Variants in PRKN observed in about 807,000 individuals in gnomAD.
PRKN encodes parkin RBR E3 ubiquitin protein ligase.
Under a neutral mutation model 59.5 loss-of-function variants are expected in PRKN, and 56 were observed. The ratio of observed to expected loss-of-function variants is 0.94; its 90% CI spans 0.76 to 1.18. The LOEUF (loss-of-function observed/expected upper bound fraction) is 1.18, where lower values mean the gene tolerates loss of function less well. Ranked by LOEUF, PRKN falls within the 50% of genes most tolerant of loss-of-function variation. PRKN has a pLI of 0.00. For missense variants in PRKN, 657 were observed against 596.4 expected, an observed-to-expected ratio of 1.10 and a Z score of -1.06; for synonymous variants, 250 against 222.1, an observed-to-expected ratio of 1.13 and a Z score of -1.12.
rs58645196 is a variant in PRKN at position 162,021,129 on chromosome 6, T to A, written c.618+32962A>T. 1.2e-3 allele frequency among the ~76,000 whole-genome samples: 5 copies of A among 4,154 alleles called. No individual in the cohort carries two copies. The African/African-American group carries it at 0.02, about 17-fold the overall frequency. The allele number at this position is 4,154 out of a possible 152,430, so 2.7% of individuals were successfully genotyped here. ...AAAAAAAAACAAAAACATATATATA[T>A]ATATATATATATATATATATATATA... is the stretch of plus-strand genomic sequence containing the variant. On this transcript the variant is annotated intron_variant, in intron 5 of 11. Transcript: ENST00000366898.
chr6:161,589,322 G>A (rs74385424), intron 7 of PRKN, among the ~76,000 whole-genome samples: 2 of 152,048 alleles, frequency 1.3e-5, no homozygotes, highest in African/African-American at 2.4e-5. Context: ...CCTTTCTCCC[G>A]TAAAGCCCTC....
intron 5 of PRKN, among the ~76,000 whole-genome samples, chr6:162,026,484 C>A (rs1033537309): frequency 3.3e-5 from 5 of 152,186 alleles, no homozygotes; most frequent in African/African-American, 9.7e-5. Flanking sequence ...GTAAGCTCTT[C>A]ATGCATTAAG....
rs144227525 is a variant in PRKN, at chr6:162,107,696, C to G, written c.535-53522G>C. On this transcript the variant is annotated intron_variant, in intron 4 of 11. Transcript: ENST00000366898. ...CCTCAACAACACTGTTCCTTTTTCT[C>G]TTTTCCTGTTGCTGTGAACTAGGCA... is the stretch of plus-strand genomic sequence containing the variant. 4.2e-3 allele frequency among the ~76,000 whole-genome samples: 645 copies of G among 152,244 alleles called. 6 individuals are homozygous for G. The highest frequency in any genetic ancestry group is 0.015 in the African/African-American group (616 of 41,556).
chr6:161,834,555 T>G (rs945209006), intron 6 of PRKN, among the ~76,000 whole-genome samples: 2 of 152,210 alleles, frequency 1.3e-5, no homozygotes, highest in Non-Finnish European at 2.9e-5. Flanking sequence ...GTAAGATACT[T>G]TATAATTATT....
intron 5 of PRKN, among the ~76,000 whole-genome samples, chr6:162,049,861 G>T (rs968718373): frequency 6.6e-6 from 1 of 152,110 alleles, no homozygotes; most frequent in African/African-American, 2.4e-5. Flanking sequence ...CTCACTGGTG[G>T]TACGAATCGG....
chr6:161,370,591 C>CAA (rs560655971), intron 10 of PRKN, among the ~76,000 whole-genome samples: 4,982 of 57,678 alleles, frequency 0.086, 283 homozygotes, highest in South Asian at 0.2. Flanking sequence ...GACTCTGTGT[C>CAA]AAAAAAAAAA....
In PRKN at chr6:161,545,126, T is replaced by A. The variant is rs1779750061; in HGVS notation, c.1083+3728A>T. 1 of 1,272,558 alleles carries A rather than the reference T, an allele frequency of 7.9e-7. No homozygotes were observed. 78.8% of individuals were successfully genotyped at this position (1,272,558 alleles called of 1,614,324 possible). A position where few individuals can be genotyped will look rare whatever the true frequency, so the allele number is the denominator to read the frequency against. ...AATGACAGAGAATTTGGTTTTCAAC[T>A]TTTTTATACGCGATTTTTTTTGTAA... On this transcript the variant is annotated intron_variant, in intron 9 of 11. Coordinates refer to ENST00000366898, the MANE Select transcript of PRKN (RefSeq NM_004562.3). The surrounding 1 kb of genome is among the most constrained non-coding windows in gnomAD (Gnocchi z 4.1).
At chr6:161,930,848 C>T (rs1050137137) in intron 6 of PRKN, among the ~76,000 whole-genome samples, 5 of 152,172 alleles carry the variant, frequency 3.3e-5, no homozygotes, top group Non-Finnish European at 7.4e-5. Flanking sequence ...AGAAAGAGTC[C>T]ACCGGCTACT....
intron 7 of PRKN, among the ~76,000 whole-genome samples, chr6:161,707,067 C>T (rs940675015): frequency 6.6e-6 from 1 of 151,950 alleles, no homozygotes. Flanking sequence ...GTCTCATTGT[C>T]GGTTTTATAC....
In PRKN at chr6:161,362,016, G is replaced by A. The variant is rs186566486; in HGVS notation, c.1168-1811C>T. On this transcript the variant is annotated intron_variant, in intron 10 of 11. Transcript: ENST00000366898. This position sits in a 1 kb window ranked among gnomAD's most constrained non-coding sequence, Gnocchi z 5.2. ...ACGCCACCCCGGCCTCATGTTCCACGCTGTTCTTTTTCAGGTCTAGGGCTC... is the reference window on the plus strand; with the variant it reads ...ACGCCACCCCGGCCTCATGTTCCACACTGTTCTTTTTCAGGTCTAGGGCTC... Among the ~76,000 whole-genome samples, 2 of 152,260 alleles carry A rather than the reference G, an allele frequency of 1.3e-5. No homozygotes were observed. The highest frequency in any genetic ancestry group is 1.9e-4 in the East Asian group (1 of 5,174).
At chr6:162,209,547 G>A (rs553474568) in intron 3 of PRKN, among the ~76,000 whole-genome samples, 12 of 152,252 alleles carry the variant, frequency 7.9e-5, no homozygotes, top group Admixed American at 5.2e-4. Flanking sequence ...ACAGTGCAGC[G>A]ATTCCTCAAG....
At chr6:162,339,716 G>A (rs1784072638) in intron 2 of PRKN, among the ~76,000 whole-genome samples, 1 of 152,186 alleles carries the variant, frequency 6.6e-6, no homozygotes, top group African/African-American at 2.4e-5. Context: ...GGTGGGAAAA[G>A]ATTGAGAAAT....
In PRKN at chr6:161,809,287, C is replaced by T. The variant is rs144953747; in HGVS notation, c.735-23379G>A. Among the ~76,000 whole-genome samples, 989 of 99,962 alleles carry T rather than the reference C, an allele frequency of 9.9e-3. 12 individuals carry two copies. The highest frequency in any genetic ancestry group is 0.036 in the African/African-American group (945 of 26,006). 65.6% of individuals were successfully genotyped at this position (99,962 alleles called of 152,430 possible). A position where few individuals can be genotyped will look rare whatever the true frequency, so the allele number is the denominator to read the frequency against. On this transcript the variant is annotated intron_variant, in intron 6 of 11. Coordinates refer to ENST00000366898, the MANE Select transcript of PRKN (RefSeq NM_004562.3). ...GGGAAGGGGGATGACTCAGAAATCC[C>T]GAGTCCTGAGGAATTACCACTTGGG...
intron 6 of PRKN, among the ~76,000 whole-genome samples, chr6:161,864,371 TC>T (rs1794027871): frequency 6.6e-6 from 1 of 152,200 alleles, no homozygotes; most frequent in Non-Finnish European, 1.5e-5. Context: ...ATGCGATTCC[TC>T]ACCTGTTCAA....
chr6:162,546,608 T>C (rs1242681105), intron 1 of PRKN, among the ~76,000 whole-genome samples: 1 of 151,438 alleles, frequency 6.6e-6, no homozygotes, highest in African/African-American at 2.4e-5. Context: ...CACGCCCGGC[T>C]AATTTTTGTA....
Position 161,363,030 on chromosome 6 carries a change from C to G in PRKN, c.1168-2825G>C, listed in dbSNP as rs183138433. On this transcript the variant is annotated intron_variant, in intron 10 of 11. Coordinates refer to ENST00000366898, the MANE Select transcript of PRKN (RefSeq NM_004562.3). This position sits in a 1 kb window ranked among gnomAD's most constrained non-coding sequence, Gnocchi z 4.1. ...GCTGAGGCAGGTGGATCACTTGAGG[C>G]CGGGTGTTCAAGACCAGCCTGGCCA... Among the ~76,000 whole-genome samples, 373 of 152,144 alleles carry G rather than the reference C, an allele frequency of 2.5e-3. 1 individual carries two copies. The highest frequency in any genetic ancestry group is 3.9e-3 in the Non-Finnish European group (268 of 67,990).
At chr6:162,410,056 T>A (rs1416582220) in intron 2 of PRKN, among the ~76,000 whole-genome samples, 2 of 152,202 alleles carry the variant, frequency 1.3e-5, no homozygotes, top group Admixed American at 1.3e-4. Context: ...AATAAAATAA[T>A]AGATCAGCTG....
intron 6 of PRKN, among the ~76,000 whole-genome samples, chr6:161,829,825 T>C (rs1792404773): frequency 6.8e-6 from 1 of 147,100 alleles, no homozygotes; most frequent in South Asian, 2.1e-4. Flanking sequence ...GTCTTTAACC[T>C]TCATGCCACT....
At chr6:161,905,503 C>T (rs549138290) in intron 6 of PRKN, among the ~76,000 whole-genome samples, 7 of 152,142 alleles carry the variant, frequency 4.6e-5, no homozygotes, top group East Asian at 3.9e-4. Context: ...GGATTCCCCA[C>T]GGGAGTGCTC....
Sources: gnomAD v4.1 joint callset for allele counts (sites outside exome capture counted in the v4.1 genomes callset) on GRCh38, gnomAD v4.1.1 for gene constraint, Gnocchi (gnomAD v3.1) non-coding constraint, MANE v1.5 for transcripts, NCBI Gene and HGNC (gene_info 2026-07-23, HGNC 2026-07-21) for gene names.